Variants in C1QTNF7 observed in about 807,000 individuals in gnomAD.
C1QTNF7 encodes C1q and TNF related 7, also known as complement C1q tumor necrosis factor-related protein 7.
Under a neutral mutation model 19.6 loss-of-function variants are expected in C1QTNF7, and 15 were observed. The ratio of observed to expected loss-of-function variants is 0.76; its 90% CI spans 0.51 to 1.18. The LOEUF is 1.18. C1QTNF7 is among the 50% of genes most tolerant of loss of function. The probability of loss-of-function intolerance (pLI) is 0.00; values close to 1 mark genes in which losing one functional copy is unlikely to be tolerated. For missense variants in C1QTNF7, 324 were observed against 359.7 expected, an observed-to-expected ratio of 0.90 and a Z score of 0.80; for synonymous variants, 142 against 137.5, an observed-to-expected ratio of 1.03 and a Z score of -0.23.
chr4:15,413,491 T>C (rs1719479800), intron 1 of C1QTNF7, among the ~76,000 whole-genome samples: 1 of 152,200 alleles, frequency 6.6e-6, no homozygotes, highest in South Asian at 2.1e-4. Flanking sequence ...ACAGCCAAAA[T>C]AAACAGCAAT....
Position 15,434,721 on chromosome 4 carries a change from C to A in C1QTNF7, c.-8-1015C>A, listed in dbSNP as rs996422736. On this transcript the variant is annotated intron_variant, in intron 1 of 2. Transcript: ENST00000444304. ...AGTGCCATACTAATAAATGACTCATCATTCTGAGCTTCTAGGCTTTATGGG... is the reference window on the plus strand; with the variant it reads ...AGTGCCATACTAATAAATGACTCATAATTCTGAGCTTCTAGGCTTTATGGG... Among the ~76,000 whole-genome samples, 12 of 152,294 alleles carry A rather than the reference C, an allele frequency of 7.9e-5. No individual in the cohort carries two copies. The East Asian group carries it at 1.9e-3, about 25-fold the overall frequency.
intron 1 of C1QTNF7, among the ~76,000 whole-genome samples, chr4:15,393,967 G>GA (rs34671745): frequency 0.46 from 69,654 of 151,914 alleles, 16,557 homozygotes; most frequent in African/African-American, 0.58. Flanking sequence ...CATTAAGGGG[G>GA]AAGTAAGGGC....
upstream of C1QTNF7, among the ~76,000 whole-genome samples, chr4:15,426,845 A>T (rs115938044): frequency 5.6e-4 from 86 of 152,360 alleles, no homozygotes; most frequent in African/African-American, 2.0e-3. Context: ...GGGTGACATC[A>T]GACACCATCA....
At chr4:15,402,698 T>C (rs192650383) in intron 1 of C1QTNF7, among the ~76,000 whole-genome samples, 5 of 152,326 alleles carry the variant, frequency 3.3e-5, no homozygotes, top group Admixed American at 1.3e-4. Context: ...TGACACTAAA[T>C]TCTGGAATTG....
intron 1 of C1QTNF7, among the ~76,000 whole-genome samples, chr4:15,412,409 C>T (rs1354490332): frequency 6.6e-6 from 1 of 151,320 alleles, no homozygotes. Context: ...TTCTAGGCTT[C>T]CCACATTTTC....
intron 1 of C1QTNF7, among the ~76,000 whole-genome samples, chr4:15,419,642 C>A (rs569403723): frequency 7.2e-5 from 11 of 152,188 alleles, no homozygotes; most frequent in Admixed American, 2.0e-4. Flanking sequence ...CCTACCTTTT[C>A]CTCCTGATAT....
rs1334079196 is a variant in C1QTNF7, at chr4:15,443,656, C to G, written c.*857C>G. ...CTCAATGCATGATTGGTATTCTCAA[C>G]AGCAAAGGGGTGAAAAATCTAGAGA... is the stretch of plus-strand genomic sequence containing the variant. On this transcript the variant is annotated 3_prime_UTR_variant, in exon 3 of 3. Transcript: ENST00000444304. The G allele has an allele frequency of 6.6e-6, 1 of 152,150 alleles. No homozygotes were observed. Among genetic ancestry groups the G allele is most frequent in the South Asian group, 2.1e-4 (1 of 4,834 alleles). 9.4% of individuals were successfully genotyped at this position (152,150 alleles called of 1,614,324 possible). A position where few individuals can be genotyped will look rare whatever the true frequency, so the allele number is the denominator to read the frequency against.
chr4:15,384,999 G>A (rs1445032271), intron 1 of C1QTNF7, among the ~76,000 whole-genome samples: 1 of 152,232 alleles, frequency 6.6e-6, no homozygotes, highest in East Asian at 1.9e-4. Context: ...GTGAGAACAA[G>A]GGTTAGGAGC....
At chr4:15,430,238 T>C (rs932566232) in intron 1 of C1QTNF7, among the ~76,000 whole-genome samples, 1 of 152,154 alleles carries the variant, frequency 6.6e-6, no homozygotes, top group African/African-American at 2.4e-5. Flanking sequence ...TACAGAAAAA[T>C]AGGATGGAGG....
intron 1 of C1QTNF7, among the ~76,000 whole-genome samples, chr4:15,398,043 T>C (rs994117212): frequency 6.6e-6 from 1 of 152,208 alleles, no homozygotes; most frequent in Non-Finnish European, 1.5e-5. Flanking sequence ...CTTTCTTGCT[T>C]CTTTTCCCAA....
At chr4:15,354,901 CA>C (rs1231622292) in intron 1 of C1QTNF7, among the ~76,000 whole-genome samples, 2 of 152,126 alleles carry the variant, frequency 1.3e-5, no homozygotes, top group Non-Finnish European at 2.9e-5. Context: ...TTTCTTTAGA[CA>C]TGTTGCCTCA....
chr4:15,417,519 G>A (rs756215825), intron 1 of C1QTNF7, among the ~76,000 whole-genome samples: 2 of 152,226 alleles, frequency 1.3e-5, no homozygotes, highest in African/African-American at 2.4e-5. Flanking sequence ...GTTCATGCCT[G>A]TAATTCCATG....
At chr4:15,391,208 C>T (rs1229377213) in intron 1 of C1QTNF7, among the ~76,000 whole-genome samples, 1 of 151,562 alleles carries the variant, frequency 6.6e-6, no homozygotes, top group Non-Finnish European at 1.5e-5. Context: ...TAACGAGAGA[C>T]AGTATCACCA....
intron 1 of C1QTNF7, among the ~76,000 whole-genome samples, chr4:15,372,578 T>A (rs2109307461): frequency 6.6e-6 from 1 of 152,308 alleles, no homozygotes; most frequent in Admixed American, 6.5e-5. Flanking sequence ...AAATCTTAAA[T>A]AACATTCAAA....
At chr4:15,421,820 A>G (rs908121912) in intron 1 of C1QTNF7, among the ~76,000 whole-genome samples, 12 of 152,228 alleles carry the variant, frequency 7.9e-5, no homozygotes, top group Non-Finnish European at 1.6e-4. Context: ...ATAGATATAG[A>G]TATTTAAAAT....
chr4:15,408,345 A>T (rs1427001298), intron 1 of C1QTNF7, among the ~76,000 whole-genome samples: 1 of 151,824 alleles, frequency 6.6e-6, no homozygotes, highest in African/African-American at 2.4e-5. Flanking sequence ...ACAGATACAG[A>T]TAAGTATATA....
chr4:15,371,543 G>C (rs1424678924), intron 1 of C1QTNF7, among the ~76,000 whole-genome samples: 1 of 152,092 alleles, frequency 6.6e-6, no homozygotes, highest in African/African-American at 2.4e-5. Context: ...CAACCATTAT[G>C]CAAATTATCT....
intron 1 of C1QTNF7, among the ~76,000 whole-genome samples, chr4:15,407,060 G>A (rs1007108672): frequency 2.0e-5 from 3 of 152,156 alleles, no homozygotes; most frequent in African/African-American, 7.2e-5. Context: ...TAAAACACTA[G>A]ATATCAGAGT....
rs76537690 is a variant in C1QTNF7 at position 15,444,591 on chromosome 4, G to A, written c.*1792G>A. Reference sequence around the variant, plus strand: ...TTCTAAGGATACCAGAAAGGAAATGGCATGCACACACACAAAAAATACCTA... The same window carrying A: ...TTCTAAGGATACCAGAAAGGAAATGACATGCACACACACAAAAAATACCTA... On this transcript the variant is annotated 3_prime_UTR_variant, in exon 3 of 3. Transcript: ENST00000444304. 1.3e-5 allele frequency: 2 copies of A among 152,266 alleles called. No homozygotes were observed. The highest frequency in any genetic ancestry group is 4.8e-5 in the African/African-American group (2 of 41,544). The allele number at this position is 152,266 out of a possible 1,614,324, so 9.4% of individuals were successfully genotyped here.
Sources: gnomAD v4.1 joint callset for allele counts (sites outside exome capture counted in the v4.1 genomes callset) on GRCh38, gnomAD v4.1.1 for gene constraint, MANE v1.5 for transcripts, NCBI Gene and HGNC (gene_info 2026-07-23, HGNC 2026-07-21) for gene names.